The following PARD3 variants were observed in gnomAD, a reference collection of about 807,000 sequenced individuals.
The protein encoded by PARD3 is partitioning defective 3 homolog.
Under a neutral mutation model 155.4 loss-of-function variants are expected in PARD3, and 75 were observed. The observed-to-expected ratio is 0.48, with a 90% CI of 0.40 to 0.58. The LOEUF is 0.58. Among genes scored for constraint, PARD3 ranks in the 20% least tolerant of loss-of-function variants. The pLI is 0.00. For synonymous variants in PARD3, 576 were observed against 610.5 expected (o/e 0.94, Z 0.83); for missense variants, 1,642 against 1,721.7 (o/e 0.95, Z 0.82).
In PARD3 at chr10:34,692,682, C is replaced by A. The variant is rs80289923; in HGVS notation, c.222+3636G>T. ...CTGAGGTCAGGAGTTTGAGACCAGT[C>A]TGGCCAACGTGACAAAACCCATATC... On this transcript the variant is annotated intron_variant, in intron 2 of 24. Coordinates refer to ENST00000374788, the MANE Select transcript of PARD3 (RefSeq NM_001184785.2). Among the ~76,000 whole-genome samples, 1,499 of 152,242 alleles carry A rather than the reference C, an allele frequency of 9.8e-3. 23 individuals carry two copies. Among genetic ancestry groups the A allele is most frequent in the African/African-American group, 0.034 (1,424 of 41,518 alleles).
intron 2 of PARD3, among the ~76,000 whole-genome samples, chr10:34,543,532 T>C (rs1006515847): frequency 1.3e-5 from 2 of 152,202 alleles, no homozygotes; most frequent in Non-Finnish European, 2.9e-5. Context: ...GCAAGGCCAA[T>C]ATAATGGAAA....
intron 1 of PARD3, among the ~76,000 whole-genome samples, chr10:34,756,460 CTT>C (rs372775963): frequency 8.6e-4 from 94 of 109,584 alleles, no homozygotes; most frequent in Non-Finnish European, 1.2e-3. Context: ...GCCAATGCAC[CTT>C]TTTTTTTTTT....
Position 34,458,462 on chromosome 10 carries a change from C to T in PARD3, c.583-8014G>A, listed in dbSNP as rs1036526961. ...GAGAAATCCTCCCATCTTGGCCTCC[C>T]AAAGTGCTGAGATTACAGGTGTGAG... is the stretch of plus-strand genomic sequence containing the variant. On this transcript the variant is annotated intron_variant, in intron 4 of 24. Transcript: ENST00000374788. Among the ~76,000 whole-genome samples the T allele has an allele frequency of 5.9e-5, 9 of 152,136 alleles. 1 individual carries two copies. Among genetic ancestry groups the T allele is most frequent in the Admixed American group, 1.3e-4 (2 of 15,284 alleles).
At chr10:34,786,307 C>T (rs571921574) in intron 1 of PARD3, among the ~76,000 whole-genome samples, 7 of 152,344 alleles carry the variant, frequency 4.6e-5, no homozygotes, top group South Asian at 2.1e-4. Flanking sequence ...CTCACAATGA[C>T]TCTTCCTATC....
intron 20 of PARD3, among the ~76,000 whole-genome samples, chr10:34,312,585 A>C (rs573504468): frequency 4.6e-5 from 7 of 152,244 alleles, no homozygotes; most frequent in Non-Finnish European, 1.0e-4. Flanking sequence ...ATTTCAGCCA[A>C]ACAAGGTTAC....
At chr10:34,512,415 G>A (rs556980402) in intron 3 of PARD3, among the ~76,000 whole-genome samples, 3 of 152,290 alleles carry the variant, frequency 2.0e-5, no homozygotes, top group South Asian at 2.1e-4. Context: ...GCCAGCAGGA[G>A]CATCGTGTTG....
intron 2 of PARD3, among the ~76,000 whole-genome samples, chr10:34,643,274 C>T (rs775317687): frequency 2.0e-5 from 3 of 152,258 alleles, no homozygotes; most frequent in African/African-American, 4.8e-5. Context: ...TGTGGTACAA[C>T]TTCAGCTCCT....
intron 22 of PARD3, among the ~76,000 whole-genome samples, chr10:34,163,254 G>C (rs574744411): frequency 6.6e-6 from 1 of 152,034 alleles, no homozygotes; most frequent in Non-Finnish European, 1.5e-5. Flanking sequence ...CACAGCCGGT[G>C]GGGGGGAGGA....
At chr10:34,305,839 A>G (rs1179009924) in intron 20 of PARD3, among the ~76,000 whole-genome samples, 2 of 152,174 alleles carry the variant, frequency 1.3e-5, no homozygotes, top group African/African-American at 4.8e-5. Context: ...TTAAAAAAAT[A>G]GCTGGGCATG....
At chr10:34,677,767 C>T (rs1244952253) in intron 2 of PARD3, among the ~76,000 whole-genome samples, 1 of 152,178 alleles carries the variant, frequency 6.6e-6, no homozygotes. Flanking sequence ...AATGGTTTCA[C>T]AGCTCGAAAA....
chr10:34,405,195 C>T (rs1367152010), intron 5 of PARD3, among the ~76,000 whole-genome samples: 1 of 152,032 alleles, frequency 6.6e-6, no homozygotes, highest in East Asian at 1.9e-4. Flanking sequence ...TGGTGCCTGA[C>T]ACATAGTACT....
chr10:34,274,668 T>C (rs1203651212), intron 21 of PARD3, among the ~76,000 whole-genome samples: 2 of 152,138 alleles, frequency 1.3e-5, no homozygotes, highest in African/African-American at 2.4e-5. Flanking sequence ...AGTATAATTA[T>C]ATAAATATAA....
chr10:34,116,751 G>GGAT (rs1946695431), intron 24 of PARD3, among the ~76,000 whole-genome samples: 2 of 152,286 alleles, frequency 1.3e-5, no homozygotes, highest in East Asian at 3.9e-4. Flanking sequence ...TATCTAAATA[G>GGAT]GATAAAATGA....
At position 34,284,240 on chromosome 10, in the gene PARD3, C is replaced by A. The variant is rs761707121; in HGVS notation, c.3071G>T (p.Gly1024Val). The A allele has an allele frequency of 1.7e-5, 27 of 1,593,790 alleles. No homozygotes were observed. In the South Asian group the frequency reaches 1.8e-4, roughly 11 times the overall value. Residue 1024 changes from glycine to valine, a missense_variant, in exon 21 of 25, where the codon GGC (glycine) becomes GTC (valine). Physicochemically the swap from Gly to Val is moderately radical, Grantham distance 109. Transcript: ENST00000374788. ...LKGLGDMFRF[G>V]KHRKDDKIEK... ...AATCTTGTCATCTTTTCGATGTTTG[C>A]CAAACCTGTTAATAACAAAAAATTC...
chr10:34,574,823 A>G (rs1025727264), intron 2 of PARD3, among the ~76,000 whole-genome samples: 2 of 152,182 alleles, frequency 1.3e-5, no homozygotes, highest in African/African-American at 4.8e-5. Flanking sequence ...AATAAGAAAC[A>G]TTTTCAAAAT....
chr10:34,407,507 C>T (rs187177337), intron 5 of PARD3, among the ~76,000 whole-genome samples: 152 of 152,314 alleles, frequency 1.0e-3, no homozygotes, highest in Middle Eastern at 6.8e-3. Flanking sequence ...TGGAACAATG[C>T]CATAGTCGTA....
At chr10:34,771,445 G>C (rs953459829) in intron 1 of PARD3, among the ~76,000 whole-genome samples, 2 of 152,218 alleles carry the variant, frequency 1.3e-5, no homozygotes, top group Non-Finnish European at 2.9e-5. Context: ...GTGAAGGAAG[G>C]CTGGCTACAG....
At chr10:34,249,131 T>A (rs1337860726) in intron 22 of PARD3, among the ~76,000 whole-genome samples, 3 of 152,204 alleles carry the variant, frequency 2.0e-5, no homozygotes, top group Non-Finnish European at 2.9e-5. Context: ...GTCCAATGAA[T>A]ATACTTACAC....
intron 22 of PARD3, among the ~76,000 whole-genome samples, chr10:34,222,440 G>T (rs1298516032): frequency 6.6e-6 from 1 of 152,206 alleles, no homozygotes; most frequent in African/African-American, 2.4e-5. Flanking sequence ...CCCCAAATGG[G>T]AGACCCCTTC....
Sources: gnomAD v4.1 joint callset for allele counts (sites outside exome capture counted in the v4.1 genomes callset) on GRCh38, gnomAD v4.1.1 for gene constraint, MANE v1.5 for transcripts, NCBI Gene and HGNC (gene_info 2026-07-23, HGNC 2026-07-21) for gene names.